The following GMDS variants were observed in gnomAD, a reference collection of about 807,000 sequenced individuals.
GMDS encodes GDP-mannose 4,6-dehydratase, also known as GDP-mannose 4,6 dehydratase.
Under a neutral mutation model 49.9 loss-of-function variants are expected in GMDS, and 20 were observed. The observed-to-expected ratio is 0.40, with a 90% CI of 0.28 to 0.58. The LOEUF (loss-of-function observed/expected upper bound fraction) is 0.58. Among genes scored for constraint, GMDS ranks in the 20% least tolerant of loss-of-function variants. GMDS has a pLI of 0.42. For synonymous variants in GMDS, 177 were observed against 178.6 expected, an observed-to-expected ratio of 0.99 and a Z score of 0.07; for missense variants, 362 against 481.4, an observed-to-expected ratio of 0.75 and a Z score of 2.32.
chr6:2,100,134 A>T (rs1444180049), intron 4 of GMDS, among the ~76,000 whole-genome samples: 1 of 152,110 alleles, frequency 6.6e-6, no homozygotes, highest in Non-Finnish European at 1.5e-5. Context: ...GACAAGATTA[A>T]TTCCCTTAAT....
rs1369230025 is a variant in GMDS, at chr6:1,836,145, G to A, written c.772-93559C>T. 1.3e-5 allele frequency among the ~76,000 whole-genome samples: 2 copies of A among 152,138 alleles called. No homozygotes were observed. The highest frequency in any genetic ancestry group is 1.9e-4 in the East Asian group (1 of 5,196). Reference sequence around the variant, plus strand: ...GCCTCCCAAAGTGCTGGGATTACAGGCCTGAGCCACCGTGCCTGGCCTCGT... The same window carrying A: ...GCCTCCCAAAGTGCTGGGATTACAGACCTGAGCCACCGTGCCTGGCCTCGT... On this transcript the variant is annotated intron_variant, in intron 7 of 10. Coordinates refer to ENST00000380815, the MANE Select transcript of GMDS (RefSeq NM_001500.4). This position sits in a 1 kb window ranked among gnomAD's most constrained non-coding sequence, Gnocchi z 4.2.
intron 4 of GMDS, among the ~76,000 whole-genome samples, chr6:2,078,293 A>C (rs924095837): frequency 1.3e-5 from 2 of 151,612 alleles, no homozygotes; most frequent in Non-Finnish European, 2.9e-5. Context: ...GATCTACATT[A>C]TTTCTTTCTT....
chr6:2,167,892 A>C (rs546675339), intron 1 of GMDS, among the ~76,000 whole-genome samples: 2 of 152,360 alleles, frequency 1.3e-5, no homozygotes, highest in African/African-American at 4.8e-5. Context: ...ATGCCTAGTG[A>C]AACAACCGGA....
chr6:1,816,486 T>C (rs1291992006), intron 7 of GMDS, among the ~76,000 whole-genome samples: 2 of 152,196 alleles, frequency 1.3e-5, no homozygotes, highest in Non-Finnish European at 2.9e-5. Flanking sequence ...TAATTCGATT[T>C]ATTCATATAC....
chr6:2,002,986 G>GA (rs917743212), intron 4 of GMDS, among the ~76,000 whole-genome samples: 7 of 150,096 alleles, frequency 4.7e-5, no homozygotes, highest in African/African-American at 9.7e-5. Context: ...CCAAAAGTCA[G>GA]AAAAAAAAAT....
rs142491947 is a variant in GMDS, at chr6:2,082,012, A to G, written c.345+33759T>C. On this transcript the variant is annotated intron_variant, in intron 4 of 10. Coordinates refer to ENST00000380815, the MANE Select transcript of GMDS (RefSeq NM_001500.4). ...CACTGCCAAAAAGTTCAGGCGATTT[A>G]GCCACAATAGGAAATACCCTCATTG... Among the ~76,000 whole-genome samples, 579 of 152,328 alleles carry G rather than the reference A, an allele frequency of 3.8e-3. 4 individuals carry two copies. The highest frequency in any genetic ancestry group is 0.013 in the African/African-American group (537 of 41,576).
At chr6:1,645,632 C>T (rs752190407) in intron 9 of GMDS, among the ~76,000 whole-genome samples, 7 of 152,306 alleles carry the variant, frequency 4.6e-5, no homozygotes, top group East Asian at 3.9e-4. Flanking sequence ...TCTCCTGGGG[C>T]GGGCCCCTTT....
intron 4 of GMDS, among the ~76,000 whole-genome samples, chr6:2,044,401 A>C (rs114851654): frequency 0.019 from 2,900 of 152,280 alleles, 109 homozygotes; most frequent in African/African-American, 0.065. Context: ...ACAAGATCAT[A>C]TTCTTGGTGG....
At chr6:1,824,762 C>T (rs1771038857) in intron 7 of GMDS, among the ~76,000 whole-genome samples, 1 of 152,116 alleles carries the variant, frequency 6.6e-6, no homozygotes, top group African/African-American at 2.4e-5. Context: ...AATATAATGC[C>T]TATTAAGTAC....
intron 9 of GMDS, among the ~76,000 whole-genome samples, chr6:1,719,634 A>AAAT (rs397738439): frequency 6.6e-6 from 1 of 150,512 alleles, no homozygotes; most frequent in Non-Finnish European, 1.5e-5. Flanking sequence ...AAAAAAAAAA[A>AAAT]GAGAGAGGGA....
chr6:1,657,362 G>A (rs1363525750), intron 9 of GMDS, among the ~76,000 whole-genome samples: 26 of 152,328 alleles, frequency 1.7e-4, no homozygotes, highest in Non-Finnish European at 7.4e-5. Flanking sequence ...ACTTAGGCAG[G>A]TGCTGAAATG....
chr6:1,924,613 G>C (rs1459905984), intron 7 of GMDS, among the ~76,000 whole-genome samples: 3 of 152,144 alleles, frequency 2.0e-5, no homozygotes, highest in Admixed American at 2.0e-4. Context: ...ATCTCATTGG[G>C]ACCATATACT....
chr6:1,980,653 A>G lies in GMDS; in HGVS notation c.346-19687T>C, dbSNP rs535473311. Among the ~76,000 whole-genome samples the G allele has an allele frequency of 9.9e-5, 15 of 152,270 alleles. No individual in the cohort carries two copies. In the East Asian group the frequency reaches 2.9e-3, roughly 29 times the overall value. On this transcript the variant is annotated intron_variant, in intron 4 of 10. Transcript: ENST00000380815. The stretch of plus-strand genomic sequence containing the variant: ...TATTAGACAGATCATCAAAACAGAA[A>G]ATTAACCAAGATATTTTGGACCTGA...
chr6:1,917,531 G>T (rs1046854497), intron 7 of GMDS, among the ~76,000 whole-genome samples: 1 of 152,230 alleles, frequency 6.6e-6, no homozygotes, highest in South Asian at 2.1e-4. Flanking sequence ...TTTAAAATAA[G>T]TTCTAGTGAT....
chr6:1,946,884 C>G (rs1465720066), intron 6 of GMDS, among the ~76,000 whole-genome samples: 2 of 152,198 alleles, frequency 1.3e-5, no homozygotes, highest in East Asian at 1.9e-4. Context: ...AAGGAGCACT[C>G]AACTATTGCA....
intron 1 of GMDS, among the ~76,000 whole-genome samples, chr6:2,237,816 C>T (rs1781434154): frequency 6.6e-6 from 1 of 152,016 alleles, no homozygotes; most frequent in African/African-American, 2.4e-5. Flanking sequence ...GCCACCTCGC[C>T]CCGCCTGGAA....
At chr6:1,700,425 AGGAG>A (rs1765501965) in intron 9 of GMDS, among the ~76,000 whole-genome samples, 1 of 152,198 alleles carries the variant, frequency 6.6e-6, no homozygotes, top group Non-Finnish European at 1.5e-5. Context: ...CACTGAAAGC[AGGAG>A]GGAAGGGAGA....
intron 7 of GMDS, among the ~76,000 whole-genome samples, chr6:1,875,317 TACACACACACACACACAC>T (rs56053544): frequency 1.0e-4 from 15 of 149,972 alleles, no homozygotes; most frequent in South Asian, 2.2e-4. Context: ...TTTTTGTATT[TACACACACACACACACAC>T]ACACACACAC....
At chr6:1,710,776 G>A (rs1561748238) in intron 9 of GMDS, among the ~76,000 whole-genome samples, 1 of 152,232 alleles carries the variant, frequency 6.6e-6, no homozygotes, top group Non-Finnish European at 1.5e-5. Context: ...CTCCCTTGCA[G>A]GGCGGGGGTG....
Sources: allele counts gnomAD v4.1 joint callset (sites outside exome capture counted in the v4.1 genomes callset), GRCh38; gene constraint gnomAD v4.1.1; non-coding constraint Gnocchi (gnomAD v3.1); transcripts MANE v1.5; gene names NCBI Gene and HGNC (gene_info 2026-07-23, HGNC 2026-07-21).